CORO1C: variants seen among roughly 807,000 people sequenced by gnomAD.
The protein encoded by CORO1C is coronin 1C.
Under a neutral mutation model 51.2 loss-of-function variants are expected in CORO1C, and 14 were observed. The observed-to-expected ratio is 0.27, with a 90% CI of 0.18 to 0.43. CORO1C has a LOEUF of 0.43. CORO1C is among the 20% of genes least tolerant of loss of function. The pLI is 1.00. For synonymous variants in CORO1C, 181 were observed against 210.5 expected, an observed-to-expected ratio of 0.86 and a Z score of 1.21; for missense variants, 417 against 607.8, an observed-to-expected ratio of 0.69 and a Z score of 3.30.
intron 2 of CORO1C, among the ~76,000 whole-genome samples, chr12:108,697,878 T>C (rs533130561): frequency 6.6e-6 from 1 of 152,336 alleles, no homozygotes; most frequent in African/African-American, 2.4e-5. Context: ...AAATATCAAC[T>C]GTAAAATGTA....
At chr12:108,651,302 T>C (rs1469469185) in intron 8 of CORO1C, among the ~76,000 whole-genome samples, 2 of 152,236 alleles carry the variant, frequency 1.3e-5, no homozygotes, top group Non-Finnish European at 2.9e-5. Context: ...GATGTAGTGC[T>C]AATTATTCTG....
At chr12:108,672,623 C>A (rs2033759500) in intron 3 of CORO1C, among the ~76,000 whole-genome samples, 1 of 150,172 alleles carries the variant, frequency 6.7e-6, no homozygotes. Context: ...CATTTTATTG[C>A]ACTTCACAGA....
chr12:108,682,881 G>A (rs549589354), intron 2 of CORO1C, among the ~76,000 whole-genome samples: 31 of 152,118 alleles, frequency 2.0e-4, no homozygotes, highest in African/African-American at 7.2e-4. Context: ...AAAATCTCCA[G>A]TACATTTGAA....
chr12:108,700,271 A>G (rs1427809321), intron 2 of CORO1C, among the ~76,000 whole-genome samples: 2 of 151,866 alleles, frequency 1.3e-5, no homozygotes, highest in Admixed American at 1.3e-4. Flanking sequence ...CACCAAACTC[A>G]TTTTCCTCCT....
chr12:108,724,774 T>C (rs542297651), intron 1 of CORO1C, among the ~76,000 whole-genome samples: 1 of 152,358 alleles, frequency 6.6e-6, no homozygotes, highest in South Asian at 2.1e-4. Context: ...ATACAATGTA[T>C]AGGCCTTCCT....
At chr12:108,728,490 T>TG (rs35005278) in intron 1 of CORO1C, among the ~76,000 whole-genome samples, 3 of 151,972 alleles carry the variant, frequency 2.0e-5, no homozygotes, top group East Asian at 3.9e-4. Context: ...GGTTTCTTTT[T>TG]GGGGGGGATG....
At chr12:108,681,132 C>G (rs1038211058) in intron 2 of CORO1C, among the ~76,000 whole-genome samples, 1 of 152,190 alleles carries the variant, frequency 6.6e-6, no homozygotes, top group African/African-American at 2.4e-5. Context: ...TCCTACATAG[C>G]TGGAACTATA....
At chr12:108,654,061 C>T (rs562214196) in intron 7 of CORO1C, among the ~76,000 whole-genome samples, 98 of 152,124 alleles carry the variant, frequency 6.4e-4, no homozygotes, top group Non-Finnish European at 1.3e-3. Flanking sequence ...CCCCAATACC[C>T]CAGCCCAACC....
chr12:108,675,924 C>T (rs7358571), intron 3 of CORO1C, among the ~76,000 whole-genome samples: 84,805 of 151,992 alleles, frequency 0.56, 24,502 homozygotes, highest in East Asian at 0.99. Context: ...GAGGAGCAAG[C>T]TGAACTGCAA....
At chr12:108,668,148 A>C (rs976011945) in intron 3 of CORO1C, among the ~76,000 whole-genome samples, 3 of 152,208 alleles carry the variant, frequency 2.0e-5, no homozygotes, top group Non-Finnish European at 4.4e-5. Flanking sequence ...GACAGGAGAA[A>C]GCTTAAAGAT....
intron 2 of CORO1C, among the ~76,000 whole-genome samples, chr12:108,680,422 A>G (rs576544805): frequency 1.7e-4 from 26 of 152,362 alleles, no homozygotes; most frequent in African/African-American, 5.5e-4. Flanking sequence ...AGGAAATTCC[A>G]ATGAACACCA....
intron 1 of CORO1C, among the ~76,000 whole-genome samples, chr12:108,704,975 T>G (rs2034986070): frequency 6.6e-6 from 1 of 152,208 alleles, no homozygotes; most frequent in South Asian, 2.1e-4. Context: ...GGTGATGGGA[T>G]GGTGGCAGGA....
Position 108,654,546 on chromosome 12 carries a change from T to C in CORO1C, c.751-136A>G, listed in dbSNP as rs572272891. On this transcript the variant is annotated intron_variant, in intron 6 of 10. Coordinates refer to ENST00000261401, the MANE Select transcript of CORO1C (RefSeq NM_014325.4). ...CCTAGAATAACAGAAGTTTGAACTA[T>C]GCACATACAATACTCATACATGGAA... The C allele has an allele frequency of 2.4e-5, 13 of 531,212 alleles. No homozygotes were observed. In the East Asian group the frequency reaches 2.9e-4, roughly 12 times the overall value. The allele number at this position is 531,212 out of a possible 1,614,324, so 32.9% of individuals were successfully genotyped here.
chr12:108,667,768 A>C (rs989745321), intron 3 of CORO1C, among the ~76,000 whole-genome samples: 3 of 152,104 alleles, frequency 2.0e-5, no homozygotes, highest in African/African-American at 7.2e-5. Context: ...GTAAAATCCC[A>C]TTGTGGTTCT....
chr12:108,701,345 T>C, intron 1 of CORO1C, 22 bp from the exon 2 acceptor site: 3 of 1,614,046 alleles, frequency 1.9e-6, no homozygotes, highest in Non-Finnish European at 2.5e-6. Flanking sequence ...GAGTGAGAAT[T>C]ATGTTAGAAT....
At chr12:108,710,037 A>G (rs191705627) in intron 1 of CORO1C, among the ~76,000 whole-genome samples, 123 of 152,328 alleles carry the variant, frequency 8.1e-4, no homozygotes, top group African/African-American at 2.9e-3. Flanking sequence ...AGAGTTTTTA[A>G]CCTCTACAAA....
intron 8 of CORO1C, among the ~76,000 whole-genome samples, chr12:108,651,403 G>C (rs2032647843): frequency 6.6e-6 from 1 of 152,198 alleles, no homozygotes; most frequent in Non-Finnish European, 1.5e-5. Context: ...AAGCCTGCTA[G>C]CATTTAGAAT....
intron 3 of CORO1C, 21 bp from the exon 4 acceptor site, chr12:108,662,179 A>G (rs1260830498): frequency 6.2e-7 from 1 of 1,610,100 alleles, no homozygotes; most frequent in Non-Finnish European, 8.5e-7. Flanking sequence ...AGGAAGAAAG[A>G]TGATCCACAT....
Position 108,709,579 on chromosome 12 carries a change from C to A in CORO1C, c.-5-8256G>T, listed in dbSNP as rs115028537. Among the ~76,000 whole-genome samples the A allele has an allele frequency of 9.3e-3, 1,414 of 152,238 alleles. 26 individuals carry two copies. The highest frequency in any genetic ancestry group is 0.032 in the African/African-American group (1,345 of 41,532). Reference sequence around the variant, plus strand: ...CACTTTAAAAACTGTTCAGTTTTAACCTTTAAATTAAGATGGCATATCACC... The same window carrying A: ...CACTTTAAAAACTGTTCAGTTTTAAACTTTAAATTAAGATGGCATATCACC... On this transcript the variant is annotated intron_variant, in intron 1 of 10. Coordinates refer to ENST00000261401, the MANE Select transcript of CORO1C (RefSeq NM_014325.4).
Sources: gnomAD v4.1 joint callset for allele counts (sites outside exome capture counted in the v4.1 genomes callset) on GRCh38, gnomAD v4.1.1 for gene constraint, MANE v1.5 for transcripts, NCBI Gene and HGNC (gene_info 2026-07-23, HGNC 2026-07-21) for gene names.